Variants in HPF1 observed in about 807,000 individuals in gnomAD.
HPF1 encodes the protein UPF0609 protein C4orf27.
HPF1 carries 35 observed loss-of-function variants against 38.8 expected under a neutral mutation model. The observed-to-expected ratio is 0.90, with a 90% CI of 0.69 to 1.19. The LOEUF (loss-of-function observed/expected upper bound fraction) is 1.19. Ranked by LOEUF, HPF1 falls within the 50% of genes most tolerant of loss-of-function variation. The pLI is 0.00. For synonymous variants in HPF1, 115 were observed against 139.2 expected, an observed-to-expected ratio of 0.83 and a Z score of 1.22; for missense variants, 367 against 405.8, an observed-to-expected ratio of 0.90 and a Z score of 0.82.
intron 6 of HPF1, among the ~76,000 whole-genome samples, chr4:169,737,453 G>A (rs1379546966): frequency 6.6e-6 from 1 of 151,942 alleles, no homozygotes; most frequent in African/African-American, 2.4e-5. Context: ...ATTTCACAGG[G>A]TTAAATAATT....
rs895849919 is a variant in HPF1 at position 169,737,885 on chromosome 4, G to A, written c.649-138C>T. On this transcript the variant is annotated intron_variant, in intron 5 of 7. Coordinates refer to ENST00000393381, the MANE Select transcript of HPF1 (RefSeq NM_017867.3). ...TTTATTTCAGTAAATTTGGACTCCAGGGTAAAAATTTAACACTATTTTTTT... is the reference window on the plus strand; with the variant it reads ...TTTATTTCAGTAAATTTGGACTCCAAGGTAAAAATTTAACACTATTTTTTT... 10 of 640,756 alleles carry A rather than the reference G, an allele frequency of 1.6e-5. No homozygotes were observed. The Admixed American group carries it at 2.0e-4, about 13-fold the overall frequency. 39.7% of individuals were successfully genotyped at this position (640,756 alleles called of 1,614,324 possible).
At chr4:169,757,692 G>A (rs1734207594) in intron 1 of HPF1, 138 bp downstream of exon 1, 1 of 861,202 alleles carries the variant, frequency 1.2e-6, no homozygotes, top group South Asian at 1.5e-5. Flanking sequence ...GCCCTGGGCA[G>A]GATCCCCGCA....
intron 6 of HPF1, among the ~76,000 whole-genome samples, chr4:169,734,080 C>T (rs1033819574): frequency 4.6e-5 from 7 of 152,168 alleles, no homozygotes; most frequent in African/African-American, 9.7e-5. Context: ...TCGCATTGAA[C>T]GAATGGCAAA....
At chr4:169,732,356 G>A (rs1364083042) in intron 6 of HPF1, among the ~76,000 whole-genome samples, 6 of 152,048 alleles carry the variant, frequency 3.9e-5, no homozygotes, top group African/African-American at 1.5e-4. Flanking sequence ...GGCCAGGATG[G>A]TCTTGATCTC....
intron 4 of HPF1, among the ~76,000 whole-genome samples, chr4:169,746,995 A>ATT (rs1560890248): frequency 1.1e-4 from 17 of 150,420 alleles, no homozygotes; most frequent in African/African-American, 1.7e-4. Flanking sequence ...CTTTTTTTAA[A>ATT]AAAAAAAAAA....
intron 1 of HPF1, among the ~76,000 whole-genome samples, chr4:169,755,063 CCCG>C (rs573182671): frequency 9.0e-6 from 1 of 110,556 alleles, no homozygotes; most frequent in African/African-American, 6.2e-5. Context: ...TATCCCTCCC[CCCG>C]CCCCCTCATA....
intron 5 of HPF1, among the ~76,000 whole-genome samples, chr4:169,738,993 G>A (rs1373699570): frequency 6.6e-6 from 1 of 150,956 alleles, no homozygotes; most frequent in Non-Finnish European, 1.5e-5. Flanking sequence ...CTGTGGTGGG[G>A]TGGGGGGAGG....
rs1480330420 is a variant in HPF1 at position 169,757,836 on chromosome 4, C to G, written c.42G>C (p.Gly14=). ...ACAGCCTTTCCGGCAGTACCTGCGGCCCCTCTCCGCCGGGCCTGCGCTTCC... is the reference window on the plus strand; with the variant it reads ...ACAGCCTTTCCGGCAGTACCTGCGGGCCCTCTCCGCCGGGCCTGCGCTTCC... ...GGGKRRPGGE[G]PQCEKTTDVK... is the part of the protein sequence containing the mutation. The change falls in exon 1 of 8, where the codon GGG becomes GGC. Residue 14 remains glycine, a synonymous_variant. Transcript: ENST00000393381. The G allele has an allele frequency of 6.4e-7, 1 of 1,563,936 alleles. No homozygotes were observed. Among genetic ancestry groups the G allele is most frequent in the South Asian group, 1.2e-5 (1 of 86,116 alleles).
intron 7 of HPF1, among the ~76,000 whole-genome samples, chr4:169,730,857 G>C (rs989474745): frequency 3.9e-5 from 6 of 152,274 alleles, no homozygotes; most frequent in Admixed American, 3.3e-4. Flanking sequence ...ATTTTAGTTT[G>C]GGAATTACTG....
At chr4:169,755,902 G>A (rs1346904983) in intron 1 of HPF1, among the ~76,000 whole-genome samples, 1 of 152,124 alleles carries the variant, frequency 6.6e-6, no homozygotes, top group Non-Finnish European at 1.5e-5. Flanking sequence ...TGGGCAATGG[G>A]TTCACTGGTG....
chr4:169,735,059 G>A (rs1444879795), intron 6 of HPF1, among the ~76,000 whole-genome samples: 7 of 151,302 alleles, frequency 4.6e-5, no homozygotes, highest in African/African-American at 7.3e-5. Context: ...CCTGGGAGGC[G>A]GAGGTTACAG....
At chr4:169,750,451 A>G in intron 3 of HPF1, 85 bp downstream of exon 3, 1 of 988,258 alleles carries the variant, frequency 1.0e-6, no homozygotes, top group Non-Finnish European at 1.5e-6. Flanking sequence ...TATGCCTTTC[A>G]CCTTGGGTGA....
chr4:169,731,103 G>T (rs570562817), intron 7 of HPF1, among the ~76,000 whole-genome samples: 1 of 152,176 alleles, frequency 6.6e-6, no homozygotes, highest in African/African-American at 2.4e-5. Flanking sequence ...AACCAGTTTG[G>T]CCCCAGAAAC....
Position 169,735,127 on chromosome 4 carries a change from C to CAA in HPF1, c.736+2531_736+2532dup, listed in dbSNP as rs375885652. 4.4e-3 allele frequency among the ~76,000 whole-genome samples: 435 copies of CAA among 98,440 alleles called. 3 individuals carry two copies. Among genetic ancestry groups the CAA allele is most frequent in the African/African-American group, 0.012 (390 of 31,654 alleles). The allele number at this position is 98,440 out of a possible 152,430, so 64.6% of individuals were successfully genotyped here. ...GGGTGACAAGAGCAAAATTCCATCT[C>CAA]AAAAAAAAAAAAAAAGAAGAAAGAA... On this transcript the variant is annotated intron_variant, in intron 6 of 7. Coordinates refer to ENST00000393381, the MANE Select transcript of HPF1 (RefSeq NM_017867.3).
chr4:169,739,149 TAA>T (rs1733935034), intron 5 of HPF1, among the ~76,000 whole-genome samples: 2 of 152,074 alleles, frequency 1.3e-5, no homozygotes, highest in African/African-American at 2.4e-5. Context: ...AAATAAAAAA[TAA>T]AGACATAAAA....
At chr4:169,731,991 A>G (rs556570650) in intron 6 of HPF1, 115 bp from the exon 7 acceptor site, 2 of 777,878 alleles carry the variant, frequency 2.6e-6, no homozygotes, top group South Asian at 1.9e-5. Flanking sequence ...TACTAATACA[A>G]CTTGTGCCAC....
At chr4:169,753,194 C>T (rs1734142350) in intron 2 of HPF1, among the ~76,000 whole-genome samples, 1 of 151,824 alleles carries the variant, frequency 6.6e-6, no homozygotes, top group African/African-American at 2.4e-5. Context: ...CCACCATGCC[C>T]AGCTAAATTT....
intron 1 of HPF1, among the ~76,000 whole-genome samples, chr4:169,757,307 CAA>C (rs1272860882): frequency 6.6e-6 from 1 of 152,212 alleles, no homozygotes; most frequent in African/African-American, 2.4e-5. Flanking sequence ...AACCAATTTT[CAA>C]AGAGTTGTCT....
chr4:169,745,463 A>C lies in HPF1; in HGVS notation c.497+3281T>G, dbSNP rs549177815. On this transcript the variant is annotated intron_variant, in intron 4 of 7. Coordinates refer to ENST00000393381, the MANE Select transcript of HPF1 (RefSeq NM_017867.3). ...GCTTTCTAGCCAGAAAACCAGAGGG[A>C]ATCTTGACAGGCACACAGTCAATGA... 3.3e-5 allele frequency among the ~76,000 whole-genome samples: 5 copies of C among 152,288 alleles called. No individual in the cohort carries two copies. The East Asian group carries it at 9.7e-4, about 29-fold the overall frequency.
Sources: gnomAD v4.1 joint callset for allele counts (sites outside exome capture counted in the v4.1 genomes callset) on GRCh38, gnomAD v4.1.1 for gene constraint, MANE v1.5 for transcripts, NCBI Gene and HGNC (gene_info 2026-07-23, HGNC 2026-07-21) for gene names.